Variants in TBC1D26 observed in about 807,000 individuals in gnomAD.
TBC1D26 encodes TBC1 domain family, member 26.
TBC1D26 carries 19 observed loss-of-function variants against 42.5 expected under a neutral mutation model. That is an observed-to-expected ratio of 0.45 (90% confidence interval 0.31 to 0.66). TBC1D26 has a LOEUF of 0.66. Ranked by LOEUF, TBC1D26 falls within the 30% of genes least tolerant of loss-of-function variation. The probability of loss-of-function intolerance (pLI) is 0.06; values close to 1 mark genes in which losing one functional copy is unlikely to be tolerated. For synonymous variants in TBC1D26, 97 were observed against 123.5 expected (o/e 0.79, Z 1.42); for missense variants, 228 against 332.6 (o/e 0.69, Z 2.45).
At chr17:15,739,250 G>A (rs567547594) in intron 8 of TBC1D26, among the ~76,000 whole-genome samples, 7 of 151,064 alleles carry the variant, frequency 4.6e-5, no homozygotes, top group Admixed American at 1.3e-4. Context: ...TGGTGGGAAC[G>A]TGACAGGGCA....
chr17:15,738,220 A>G, intron 6 of TBC1D26, 60 bp from the exon 7 acceptor site: 1 of 1,608,774 alleles, frequency 6.2e-7, no homozygotes, highest in Non-Finnish European at 8.5e-7. Flanking sequence ...CCTGTTCGCC[A>G]GCTTTGCTCT....
Position 15,738,431 on chromosome 17 carries a change from C to T in TBC1D26, c.387+44C>T, listed in dbSNP as rs577843941. On this transcript the variant is annotated intron_variant, in intron 7 of 14. Transcript: ENST00000437605. ...CAGCTAGGAGTACAAACAAGCTAGA[C>T]TGTATCAGGAGCCCAGGACTCCAGC... 8 of 1,604,022 alleles carry T rather than the reference C, an allele frequency of 5.0e-6. No individual in the cohort carries two copies. In the Admixed American group the frequency reaches 6.7e-5, roughly 13 times the overall value.
At chr17:15,743,334 A>G in intron 13 of TBC1D26, 33 bp from the exon 14 acceptor site, 1 of 982,302 alleles carries the variant, frequency 1.0e-6, no homozygotes. Context: ...CTCCCAGGGA[A>G]CCCTCCTGGC....
chr17:15,737,322 G>T (rs1967642506), intron 4 of TBC1D26, among the ~76,000 whole-genome samples, 162 bp from the exon 5 acceptor site: 1 of 152,240 alleles, frequency 6.6e-6, no homozygotes, highest in Non-Finnish European at 1.5e-5. Flanking sequence ...CCTTGCTAGT[G>T]TCAGATCCGC....
Position 15,743,471 on chromosome 17 carries a change from T to C in TBC1D26, c.1012T>C (p.Ser338Pro). The stretch of plus-strand genomic sequence containing the variant: ...CGCGGTCCTCAGGAACCTTCAAACC[T>C]CTATGAAGGAACTCACAAAAAAACA... ...DNAVLRNLQT[S>P]MKELTKKHWD... Residue 338 changes from serine to proline, a missense_variant, in exon 14 of 15, where the codon TCT (serine) becomes CCT (proline). By Grantham distance (74) the Ser-to-Pro change is moderately conservative. Coordinates refer to ENST00000437605, the MANE Select transcript of TBC1D26 (RefSeq NM_001388465.1). 1.0e-6 allele frequency: 1 copy of C among 991,330 alleles called. No homozygotes were observed. The highest frequency in any genetic ancestry group is 1.2e-6 in the Non-Finnish European group (1 of 832,870). The allele number at this position is 991,330 out of a possible 1,614,324, so 61.4% of individuals were successfully genotyped here.
At chr17:15,737,275 G>T (rs915918200) in intron 4 of TBC1D26, among the ~76,000 whole-genome samples, 1 of 152,238 alleles carries the variant, frequency 6.6e-6, no homozygotes, top group African/African-American at 2.4e-5. Context: ...CCCACCCAGG[G>T]CCAGCTTTGA....
rs753634632 is a variant in TBC1D26 at position 15,738,792 on chromosome 17, G to T, written c.459G>T (p.Leu153=). 8 of 1,613,736 alleles carry T rather than the reference G, an allele frequency of 5.0e-6. No individual in the cohort carries two copies. In the South Asian group the frequency reaches 7.7e-5, roughly 16 times the overall value. Residue 153 remains leucine (L), a synonymous_variant, in exon 8 of 15, where the codon CTG becomes CTT. Coordinates refer to ENST00000437605, the MANE Select transcript of TBC1D26 (RefSeq NM_001388465.1). ...TCCAGCTAGATGTCAGCCACACCCT[G>T]CAGAAACACATGATGTTCATACAAA... ...HCIQLDVSHT[L]QKHMMFIQRF...
intron 1 of TBC1D26, among the ~76,000 whole-genome samples, chr17:15,733,377 T>A (rs1967529454): frequency 6.6e-6 from 1 of 152,080 alleles, no homozygotes; most frequent in African/African-American, 2.4e-5. Context: ...TGAAAAAATG[T>A]GTGGAATCCG....
chr17:15,736,410 C>T (rs1423244432), intron 4 of TBC1D26: 5 of 152,224 alleles, frequency 3.3e-5, no homozygotes, highest in African/African-American at 1.2e-4. Context: ...CCGGGTGGAG[C>T]TGACAGCCTG....
intron 1 of TBC1D26, chr17:15,734,000 C>T (rs1967545456): frequency 1.3e-5 from 2 of 152,274 alleles, no homozygotes; most frequent in Admixed American, 6.5e-5. Context: ...GGTGCATGTT[C>T]TGCACTGACG....
chr17:15,738,811 A>G lies in TBC1D26; in HGVS notation c.478A>G (p.Ile160Val). The change falls in exon 8 of 15, where the codon ATA (isoleucine) becomes GTA (valine). Residue 160 changes from isoleucine to valine, a missense_variant. Around this residue, in one of 5 missense-constraint regions of TBC1D26, gnomAD observed 130 missense variants for 168.5 expected, o/e 0.77. Coordinates refer to ENST00000437605, the MANE Select transcript of TBC1D26 (RefSeq NM_001388465.1). ...SHTLQKHMMF[I>V]QRFGVKQQEL... The stretch of plus-strand genomic sequence containing the variant: ...CACCCTGCAGAAACACATGATGTTC[A>G]TACAAAGATTCGGAGTCAAGTAAGG... 6.2e-7 allele frequency: 1 copy of G among 1,613,570 alleles called. No individual in the cohort carries two copies. The highest frequency in any genetic ancestry group is 2.2e-5 in the East Asian group (1 of 44,686).
Position 15,738,846 on chromosome 17 carries a change from C to G in TBC1D26, c.497+16C>G. 2 of 1,611,682 alleles carry G rather than the reference C, an allele frequency of 1.2e-6. No individual in the cohort carries two copies. Among genetic ancestry groups the G allele is most frequent in the Non-Finnish European group, 1.7e-6 (2 of 1,179,640 alleles). ...TCGGAGTCAAGTAAGGCCAATGGGG[C>G]TTGCAGGGGTCCCAGGGAAGATGGG... On this transcript the variant is annotated intron_variant, in intron 8 of 14. Transcript: ENST00000437605.
intron 1 of TBC1D26, chr17:15,734,145 G>A (rs1232686399): frequency 2.0e-5 from 3 of 151,908 alleles, no homozygotes; most frequent in Non-Finnish European, 4.4e-5. Flanking sequence ...GATGTGACCC[G>A]GGCCGTGCAC....
At chr17:15,741,900 G>A in intron 10 of TBC1D26, 42 bp from the exon 11 acceptor site, 1 of 1,598,214 alleles carries the variant, frequency 6.3e-7, no homozygotes, top group Non-Finnish European at 8.6e-7. Context: ...TCCACATTTT[G>A]GGCGTGGGGT....
At position 15,735,600 on chromosome 17, in the gene TBC1D26, C is replaced by T. The variant is rs556973606; in HGVS notation, c.79C>T (p.His27Tyr). ...NIIITKYEQG[H>Y]RAGAAVDLGH... ...CCTGGCCTCCTCTGGGTTTCAGGGA[C>T]ACCGAGCTGGGGCAGCAGTGGACTT... is the stretch of plus-strand genomic sequence containing the variant. Residue 27 changes from histidine to tyrosine, a missense_variant, in exon 4 of 15, where the codon CAC becomes TAC. His to Tyr is a moderately conservative substitution (Grantham distance 83). This residue lies in a region of TBC1D26 where 5 missense variants were observed against 31.6 expected (regional missense o/e 0.16). Transcript: ENST00000437605. 2 of 837,828 alleles carry T rather than the reference C, an allele frequency of 2.4e-6. No individual in the cohort carries two copies. The highest frequency in any genetic ancestry group is 3.5e-5 in the African/African-American group (2 of 56,680). 51.9% of individuals were successfully genotyped at this position (837,828 alleles called of 1,614,324 possible).
At chr17:15,743,684 C>T (rs914855943) in intron 14 of TBC1D26, 168 bp downstream of exon 14, 6 of 161,610 alleles carry the variant, frequency 3.7e-5, no homozygotes, top group Non-Finnish European at 6.6e-5. Context: ...GTCCTCAGGG[C>T]GCCGTGGCTC....
chr17:15,740,918 G>A, intron 9 of TBC1D26: 1 of 690,868 alleles, frequency 1.4e-6, no homozygotes, highest in Non-Finnish European at 2.4e-6. Context: ...GTCCCCCCAT[G>A]CTCCTTGTCA....
intron 4 of TBC1D26, chr17:15,736,422 G>A (rs1196895043): frequency 5.9e-5 from 9 of 152,068 alleles, no homozygotes; most frequent in Admixed American, 5.2e-4. Flanking sequence ...GACAGCCTGG[G>A]GAGGACAACA....
chr17:15,740,640 G>A (rs28695717), intron 9 of TBC1D26: 1 of 1,080,256 alleles, frequency 9.3e-7, no homozygotes, highest in African/African-American at 1.6e-5. Flanking sequence ...GACCATTCCA[G>A]GCAGGGAGAG....
Sources: gnomAD v4.1 joint callset for allele counts (sites outside exome capture counted in the v4.1 genomes callset) on GRCh38, gnomAD v4.1.1 for gene constraint, gnomAD v4.1.1 regional missense constraint, MANE v1.5 for transcripts, NCBI Gene and HGNC (gene_info 2026-07-23, HGNC 2026-07-21) for gene names.